LRP2: variants seen among roughly 807,000 people sequenced by gnomAD.
LRP2 encodes the protein low-density lipoprotein receptor-related protein 2.
Under a neutral mutation model 531.0 loss-of-function variants are expected in LRP2, and 172 were observed. The ratio of observed to expected loss-of-function variants is 0.32; its 90% CI spans 0.29 to 0.37. The LOEUF (loss-of-function observed/expected upper bound fraction) is 0.37. LRP2 is among the 10% of genes least tolerant of loss of function. The probability of loss-of-function intolerance (pLI) is 1.00; values close to 1 mark genes in which losing one functional copy is unlikely to be tolerated. For synonymous variants in LRP2, 1,992 were observed against 2,027.6 expected, an observed-to-expected ratio of 0.98 and a Z score of 0.47; for missense variants, 5,167 against 5,868.3, an observed-to-expected ratio of 0.88 and a Z score of 3.90.
chr2:169,235,153 C>A (rs900301744), intron 29 of LRP2, among the ~76,000 whole-genome samples: 1 of 151,950 alleles, frequency 6.6e-6, no homozygotes, highest in Admixed American at 6.6e-5. Flanking sequence ...CTCAAGCGAT[C>A]CACCAACCTC....
chr2:169,281,614 G>A (rs1683706346), intron 10 of LRP2, among the ~76,000 whole-genome samples: 1 of 151,226 alleles, frequency 6.6e-6, no homozygotes, highest in Admixed American at 6.6e-5. Flanking sequence ...AGCTACTCGG[G>A]AGGCTGAGGC....
chr2:169,271,825 A>T (rs1683425589), intron 15 of LRP2: 2 of 275,928 alleles, frequency 7.2e-6, no homozygotes, highest in Non-Finnish European at 1.1e-5. Context: ...AAATATAAAG[A>T]TATAAAGGAG....
chr2:169,140,993 T>G (rs892230647), intron 71 of LRP2, among the ~76,000 whole-genome samples: 1 of 152,102 alleles, frequency 6.6e-6, no homozygotes, highest in African/African-American at 2.4e-5. Flanking sequence ...GTCACATAGC[T>G]ACAGATATAG....
chr2:169,182,286 G>C lies in LRP2; in HGVS notation c.9879C>G (p.Gly3293=). ...KLYWLDARLD[G]LFVSDLNGGH... ...CACCATTGAGGTCAGAGACAAAGAG[G>C]CCATCCAGGCGGGCATCCAACCAGT... The change falls in exon 51 of 79, where the codon GGC becomes GGG. Residue 3293 remains glycine (G), a synonymous_variant. Coordinates refer to ENST00000649046, the MANE Select transcript of LRP2 (RefSeq NM_004525.3). The C allele has an allele frequency of 6.2e-7, 1 of 1,613,962 alleles. No individual in the cohort carries two copies. Among genetic ancestry groups the C allele is most frequent in the Non-Finnish European group, 8.5e-7 (1 of 1,179,930 alleles).
chr2:169,202,723 G>A, intron 43 of LRP2, 33 bp downstream of exon 43: 1 of 1,605,130 alleles, frequency 6.2e-7, no homozygotes, highest in Non-Finnish European at 8.5e-7. Context: ...GATGCCATTA[G>A]CTCCTACCAA....
At chr2:169,198,713 CT>C in intron 45 of LRP2, 72 bp downstream of exon 45, 1 of 1,569,574 alleles carries the variant, frequency 6.4e-7, no homozygotes, top group Non-Finnish European at 8.7e-7. Context: ...AATACCCACG[CT>C]TCATATCTTT....
Position 169,139,286 on chromosome 2 carries a change from G to C in LRP2, c.13353C>G (p.Thr4451=), listed in dbSNP as rs767379633. 2 of 1,614,034 alleles carry C rather than the reference G, an allele frequency of 1.2e-6. No individual in the cohort carries two copies. The highest frequency in any genetic ancestry group is 2.7e-5 in the African/African-American group (2 of 74,908). The part of the protein sequence containing the change: ...AIAGFFHYRR[T]GSLLPALPKL... ...TGGGCAGAGCAGGCAAAAGGGAGCC[G>C]GTCCTTCTATAGTGGAAGAATCCTG... is the stretch of plus-strand genomic sequence containing the variant. Residue 4451 remains threonine (T), a synonymous_variant, in exon 74 of 79, where the codon ACC becomes ACG. Coordinates refer to ENST00000649046, the MANE Select transcript of LRP2 (RefSeq NM_004525.3).
rs903317513 is a variant in LRP2 at position 169,245,075 on chromosome 2, A to T, written c.3191-143T>A. 3.4e-6 allele frequency: 3 copies of T among 888,760 alleles called. No homozygotes were observed. The African/African-American group carries it at 5.0e-5, about 15-fold the overall frequency. The allele number at this position is 888,760 out of a possible 1,614,324, so 55.1% of individuals were successfully genotyped here. On this transcript the variant is annotated intron_variant, in intron 21 of 78. Transcript: ENST00000649046. ...GAAATGTTCATCAAGTGATGTCATCATCACTAACATCATTATTGGCTGGCA... is the reference window on the plus strand; with the variant it reads ...GAAATGTTCATCAAGTGATGTCATCTTCACTAACATCATTATTGGCTGGCA...
intron 15 of LRP2, among the ~76,000 whole-genome samples, chr2:169,271,518 T>C (rs1206250406): frequency 6.6e-6 from 1 of 151,668 alleles, no homozygotes; most frequent in Non-Finnish European, 1.5e-5. Flanking sequence ...TAAAATAGTA[T>C]AAATAAATAA....
intron 76 of LRP2, among the ~76,000 whole-genome samples, chr2:169,134,052 A>G (rs953913374): frequency 1.3e-5 from 2 of 152,144 alleles, no homozygotes; most frequent in African/African-American, 2.4e-5. Flanking sequence ...AATCCCTTCT[A>G]CAAAACAACA....
At chr2:169,358,142 C>T (rs1025440405) in intron 1 of LRP2, among the ~76,000 whole-genome samples, 2 of 152,152 alleles carry the variant, frequency 1.3e-5, no homozygotes, top group African/African-American at 4.8e-5. Flanking sequence ...CCTTATCTGG[C>T]AAGTCAGGAT....
intron 1 of LRP2, among the ~76,000 whole-genome samples, chr2:169,361,332 CTCTCTCTGTCTCTCTCTG>C (rs1465620005): frequency 1.3e-4 from 8 of 59,716 alleles, no homozygotes; most frequent in East Asian, 8.0e-4. Context: ...CTCTCTCTGT[CTCTCTCTGTCTCTCTCTG>C]TCTCTCTCTC....
Position 169,242,945 on chromosome 2 carries a change from G to A in LRP2, c.3667+11C>T, listed in dbSNP as rs1689862131. ...CCTTTGTCTGAAACATTCTGGGTAT[G>A]TGTTACTTACGACAGCCTGCTTCAT... On this transcript the variant is annotated intron_variant, in intron 24 of 78. Coordinates refer to ENST00000649046, the MANE Select transcript of LRP2 (RefSeq NM_004525.3). 1.3e-6 allele frequency: 2 copies of A among 1,589,476 alleles called. No homozygotes were observed. Among genetic ancestry groups the A allele is most frequent in the African/African-American group, 1.3e-5 (1 of 74,300 alleles).
At chr2:169,240,511 G>C (rs145340517) in intron 25 of LRP2, among the ~76,000 whole-genome samples, 93 of 152,276 alleles carry the variant, frequency 6.1e-4, no homozygotes, top group African/African-American at 2.2e-3. Context: ...ATACCTGGCT[G>C]GGGTTCATCT....
chr2:169,338,371 A>AGAAG, intron 1 of LRP2, among the ~76,000 whole-genome samples: 1 of 118,342 alleles, frequency 8.5e-6, no homozygotes, highest in East Asian at 3.4e-4. Context: ...AAAGAAAGAA[A>AGAAG]GAAAGAAAGA....
In LRP2 at chr2:169,239,782, AAAAG is replaced by A; in HGVS notation, c.4046-11_4046-8del. On this transcript the variant is annotated splice_region_variant and splice_polypyrimidine_tract_variant and intron_variant, in intron 25 of 78. Transcript: ENST00000649046. ...TCTGAGCAGCTGTTCCCATCTAGAA[AAAAG>A]AAAGAGAATAATGAAAAAAGAAAAT... The A allele has an allele frequency of 6.2e-7, 1 of 1,612,536 alleles. No individual in the cohort carries two copies. Among genetic ancestry groups the A allele is most frequent in the South Asian group, 1.1e-5 (1 of 91,034 alleles).
chr2:169,177,160 T>C (rs1687225824), intron 53 of LRP2, among the ~76,000 whole-genome samples: 1 of 152,228 alleles, frequency 6.6e-6, no homozygotes, highest in Admixed American at 6.5e-5. Flanking sequence ...ATTCCAAGTT[T>C]ATCATATGTT....
intron 75 of LRP2, among the ~76,000 whole-genome samples, chr2:169,137,766 T>C (rs967167897): frequency 6.6e-6 from 1 of 152,124 alleles, no homozygotes; most frequent in Admixed American, 6.5e-5. Flanking sequence ...ACATTCTTCT[T>C]ATATCCAAAT....
chr2:169,291,836 A>T (rs1028727191), intron 7 of LRP2, among the ~76,000 whole-genome samples: 1 of 152,214 alleles, frequency 6.6e-6, no homozygotes, highest in Admixed American at 6.5e-5. Context: ...ACCAAGGTTC[A>T]AAGTCATTTT....
Sources: gnomAD v4.1 joint callset for allele counts (sites outside exome capture counted in the v4.1 genomes callset) on GRCh38, gnomAD v4.1.1 for gene constraint, MANE v1.5 for transcripts, NCBI Gene and HGNC (gene_info 2026-07-23, HGNC 2026-07-21) for gene names.